ERI1: variants seen among roughly 807,000 people sequenced by gnomAD.
ERI1 encodes the protein 3'-5' exoribonuclease 1.
A neutral mutation model predicts 39.7 loss-of-function variants in ERI1; 39 were observed. That is an observed-to-expected ratio of 0.98 (90% CI 0.76 to 1.28). The LOEUF (loss-of-function observed/expected upper bound fraction) is 1.28. ERI1 is among the 50% of genes most tolerant of loss of function. ERI1 has a pLI of 0.00. For missense variants in ERI1, 581 were observed against 416.9 expected, an observed-to-expected ratio of 1.39 and a Z score of -3.43; for synonymous variants, 204 against 149.6, an observed-to-expected ratio of 1.36 and a Z score of -2.65.
rs1029912334 is a variant in ERI1 at position 9,013,240 on chromosome 8, C to T, written c.498+1488C>T. On this transcript the variant is annotated intron_variant, in intron 3 of 6. Coordinates refer to ENST00000250263, the MANE Select transcript of ERI1 (RefSeq NM_153332.4). ...ATGTTGCGCAGGCTGGTTTCAAACT[C>T]CTGAGCTCAGGCAATCCACCTGCCT... Among the ~76,000 whole-genome samples, 11 of 151,594 alleles carry T rather than the reference C, an allele frequency of 7.3e-5. No individual in the cohort carries two copies. In the East Asian group the frequency reaches 2.1e-3, roughly 29 times the overall value.
intron 3 of ERI1, among the ~76,000 whole-genome samples, chr8:9,047,143 C>A (rs750031906): frequency 2.6e-5 from 4 of 152,222 alleles, no homozygotes; most frequent in Non-Finnish European, 5.9e-5. Flanking sequence ...CATCTTCCTG[C>A]ACAGGGCACT....
intron 3 of ERI1, among the ~76,000 whole-genome samples, chr8:9,060,654 A>G (rs1168344426): frequency 1.3e-5 from 2 of 152,220 alleles, no homozygotes; most frequent in African/African-American, 4.8e-5. Flanking sequence ...TCCTTGGTCT[A>G]AGAACCATTT....
At chr8:9,027,262 C>A (rs1056423019) in intron 6 of ERI1, among the ~76,000 whole-genome samples, 1 of 151,554 alleles carries the variant, frequency 6.6e-6, no homozygotes, top group African/African-American at 2.4e-5. Context: ...TGTTGAGCAT[C>A]TTTTCATGTG....
At position 9,031,452 on chromosome 8, in the gene ERI1, T is replaced by C. The variant is rs932756529; in HGVS notation, c.*1418T>C. On this transcript the variant is annotated 3_prime_UTR_variant, in exon 7 of 7. Transcript: ENST00000250263. ...TTCCTAGATGAACTGTTACAGATTA[T>C]AGTAAAATAAGGAAATCTAAGTGCT... The C allele has an allele frequency of 6.6e-6, 1 of 152,184 alleles. No individual in the cohort carries two copies. Among genetic ancestry groups the C allele is most frequent in the African/African-American group, 2.4e-5 (1 of 41,440 alleles). 9.4% of individuals were successfully genotyped at this position (152,184 alleles called of 1,614,324 possible). A position where few individuals can be genotyped will look rare whatever the true frequency, so the allele number is the denominator to read the frequency against.
intron 3 of ERI1, among the ~76,000 whole-genome samples, chr8:9,050,359 T>C (rs1409769964): frequency 2.0e-5 from 3 of 151,994 alleles, no homozygotes; most frequent in Non-Finnish European, 2.9e-5. Context: ...AATACAAAAT[T>C]AGCTGAGCGT....
chr8:9,005,857 T>G (rs1270023633), intron 1 of ERI1, among the ~76,000 whole-genome samples: 1 of 152,232 alleles, frequency 6.6e-6, no homozygotes, highest in Non-Finnish European at 1.5e-5. Context: ...TAGAAGATTT[T>G]CATGGCCACA....
At chr8:9,010,748 A>G (rs767421380) in intron 2 of ERI1, among the ~76,000 whole-genome samples, 1 of 152,164 alleles carries the variant, frequency 6.6e-6, no homozygotes. Context: ...TTTTGGAAAA[A>G]TACATATTGT....
At chr8:9,082,187 G>T (rs1452968954) in intron 3 of ERI1, among the ~76,000 whole-genome samples, 1 of 152,184 alleles carries the variant, frequency 6.6e-6, no homozygotes, top group Non-Finnish European at 1.5e-5. Context: ...GGTTTAGAGG[G>T]GAAGGAGAAT....
intron 1 of ERI1, chr8:9,004,339 AAAG>A: frequency 1.9e-6 from 2 of 1,074,640 alleles, no homozygotes; most frequent in Non-Finnish European, 2.3e-6. Flanking sequence ...ATTTTTAGTA[AAAG>A]AAGTGTGTTT....
chr8:9,085,046 T>C (rs376754110), intron 3 of ERI1, among the ~76,000 whole-genome samples: 6 of 152,330 alleles, frequency 3.9e-5, no homozygotes, highest in African/African-American at 1.4e-4. Flanking sequence ...TTCAGATTCT[T>C]GGACCTATTC....
chr8:9,019,495 A>G (rs1163640894), intron 5 of ERI1, among the ~76,000 whole-genome samples: 2 of 152,194 alleles, frequency 1.3e-5, no homozygotes, highest in Admixed American at 6.5e-5. Flanking sequence ...AGTTCTGGTA[A>G]AGTCTCATTT....
chr8:9,012,308 T>C (rs1816756250), intron 3 of ERI1, among the ~76,000 whole-genome samples: 1 of 152,234 alleles, frequency 6.6e-6, no homozygotes, highest in South Asian at 2.1e-4. Flanking sequence ...ATAATATGTG[T>C]GCTTTAGATA....
intron 3 of ERI1, among the ~76,000 whole-genome samples, chr8:9,055,672 TG>T (rs1306113817): frequency 6.6e-6 from 1 of 152,158 alleles, no homozygotes; most frequent in Non-Finnish European, 1.5e-5. Context: ...CCTGAGTAGC[TG>T]GGATTACAGG....
intron 3 of ERI1, among the ~76,000 whole-genome samples, chr8:9,050,185 A>G (rs1193344788): frequency 6.7e-6 from 1 of 149,778 alleles, no homozygotes; most frequent in Non-Finnish European, 1.5e-5. Flanking sequence ...AAAAAAAAAA[A>G]GATAGCTATT....
At chr8:9,018,849 G>T (rs7826502) in intron 5 of ERI1, among the ~76,000 whole-genome samples, 6,818 of 152,144 alleles carry the variant, frequency 0.045, 509 homozygotes, top group African/African-American at 0.15. Flanking sequence ...CCTCTGTACT[G>T]AGAGTGTCTT....
At chr8:9,036,169 C>G (rs1467979181), downstream of ERI1, among the ~76,000 whole-genome samples, 2 of 152,216 alleles carry the variant, frequency 1.3e-5, no homozygotes, top group Non-Finnish European at 2.9e-5. Context: ...ATTACATAAG[C>G]TTAATTGATA....
At chr8:9,023,083 C>G (rs1818085624) in intron 6 of ERI1, among the ~76,000 whole-genome samples, 1 of 152,242 alleles carries the variant, frequency 6.6e-6, no homozygotes, top group East Asian at 1.9e-4. Context: ...GGATAAGGTT[C>G]ACAGATTTGT....
rs1006830889 is a variant in ERI1, at chr8:9,029,906, C to G, written c.922C>G (p.Arg308Gly). 12 of 1,614,084 alleles carry G rather than the reference C, an allele frequency of 7.4e-6. No individual in the cohort carries two copies. The highest frequency in any genetic ancestry group is 5.5e-5 in the South Asian group (5 of 91,084). The change falls in exon 7 of 7, where the codon CGA (arginine) becomes GGA (glycine). Residue 308 changes from arginine (R) to glycine (G), a missense_variant. Transcript: ENST00000250263. ...DSKNIARIAV[R>G]MLQDGCELRI... ...TAAGAATATCGCCCGAATAGCAGTTCGAATGCTTCAGGATGGGTGTGAACT... is the reference window on the plus strand; with the variant it reads ...TAAGAATATCGCCCGAATAGCAGTTGGAATGCTTCAGGATGGGTGTGAACT...
intron 3 of ERI1, among the ~76,000 whole-genome samples, chr8:9,080,917 T>G (rs2117450452): frequency 6.6e-6 from 1 of 152,358 alleles, no homozygotes; most frequent in Non-Finnish European, 1.5e-5. Flanking sequence ...AAATATGCTA[T>G]CTGGATTTAT....
Sources: gnomAD v4.1 joint callset for allele counts (sites outside exome capture counted in the v4.1 genomes callset) on GRCh38, gnomAD v4.1.1 for gene constraint, MANE v1.5 for transcripts, NCBI Gene and HGNC (gene_info 2026-07-23, HGNC 2026-07-21) for gene names.